Variants in WWC1 observed in about 807,000 individuals in gnomAD.
The protein encoded by WWC1 is protein KIBRA.
Under a neutral mutation model 138.4 loss-of-function variants are expected in WWC1, and 55 were observed. The observed-to-expected ratio is 0.40, with a 90% CI of 0.32 to 0.50. The LOEUF is 0.50. Among genes scored for constraint, WWC1 ranks in the 20% least tolerant of loss-of-function variants. The probability of loss-of-function intolerance (pLI) is 0.72; values close to 1 mark genes in which losing one functional copy is unlikely to be tolerated. For synonymous variants in WWC1, 524 were observed against 564.9 expected, an observed-to-expected ratio of 0.93 and a Z score of 1.03; for missense variants, 1,226 against 1,420.4, an observed-to-expected ratio of 0.86 and a Z score of 2.20.
intron 1 of WWC1, among the ~76,000 whole-genome samples, chr5:168,365,912 C>A (rs1157586636): frequency 6.6e-6 from 1 of 152,164 alleles, no homozygotes; most frequent in African/African-American, 2.4e-5. Flanking sequence ...TTTCGGCAGC[C>A]CGAGTTGTGG....
intron 1 of WWC1, among the ~76,000 whole-genome samples, chr5:168,357,835 T>C (rs1275436781): frequency 6.6e-6 from 1 of 152,210 alleles, no homozygotes. Flanking sequence ...GAAAAACCCA[T>C]AAAGCAAGTC....
At chr5:168,453,463 C>T (rs1407292373) in intron 17 of WWC1, among the ~76,000 whole-genome samples, 6 of 152,156 alleles carry the variant, frequency 3.9e-5, no homozygotes, top group Non-Finnish European at 8.8e-5. Flanking sequence ...GAATGTTCTA[C>T]ATCTCAAGTA....
intron 1 of WWC1, among the ~76,000 whole-genome samples, chr5:168,315,190 T>TC (rs1201382391): frequency 1.4e-5 from 2 of 141,196 alleles, no homozygotes; most frequent in Non-Finnish European, 3.1e-5. Flanking sequence ...TTTTTTTTTT[T>TC]CCATTCCTTC....
chr5:168,342,338 G>A (rs568206473), intron 1 of WWC1, among the ~76,000 whole-genome samples: 61 of 152,250 alleles, frequency 4.0e-4, no homozygotes, highest in Middle Eastern at 3.4e-3. Context: ...GAGCTATTGC[G>A]CAAAAATTAG....
At position 168,386,389 on chromosome 5, in the gene WWC1, T is replaced by TC. The variant is rs1384665008; in HGVS notation, c.433+975_433+976insC. Among the ~76,000 whole-genome samples the TC allele has an allele frequency of 4.2e-3, 626 of 149,740 alleles. 4 individuals carry two copies. The highest frequency in any genetic ancestry group is 0.014 in the African/African-American group (580 of 40,558). ...AAATCCCCTTGTTCTTTTTTTTTTT[T>TC]TCTTTTTCTTTTTTTTCTTTTGAGA... On this transcript the variant is annotated intron_variant, in intron 3 of 22. Coordinates refer to ENST00000265293, the MANE Select transcript of WWC1 (RefSeq NM_015238.3).
At chr5:168,380,027 C>G (rs1777495938) in intron 2 of WWC1, among the ~76,000 whole-genome samples, 1 of 152,180 alleles carries the variant, frequency 6.6e-6, no homozygotes, top group African/African-American at 2.4e-5. Flanking sequence ...AAATTAAAAT[C>G]TTTGTTCCTC....
At chr5:168,392,847 A>C (rs1778607399) in intron 3 of WWC1, among the ~76,000 whole-genome samples, 1 of 152,206 alleles carries the variant, frequency 6.6e-6, no homozygotes, top group African/African-American at 2.4e-5. Flanking sequence ...TAACAGAGAA[A>C]ATAGAGACTC....
rs539926539 is a variant in WWC1, at chr5:168,469,277, T to C, written c.*260T>C. ...AATAAGATTGTATAGTTTGTATATT[T>C]AGGAGTGTATTTTTGGGAAAGAAAA... On this transcript the variant is annotated 3_prime_UTR_variant, in exon 23 of 23. Coordinates refer to ENST00000265293, the MANE Select transcript of WWC1 (RefSeq NM_015238.3). 4 of 458,556 alleles carry C rather than the reference T, an allele frequency of 8.7e-6. No homozygotes were observed. In the South Asian group the frequency reaches 1.5e-4, roughly 17 times the overall value. The allele number at this position is 458,556 out of a possible 1,614,324, so 28.4% of individuals were successfully genotyped here.
intron 3 of WWC1, 35 bp from the exon 4 acceptor site, chr5:168,397,689 C>T: frequency 2.5e-6 from 4 of 1,611,522 alleles, no homozygotes; most frequent in Non-Finnish European, 3.4e-6. Flanking sequence ...TCTGTTTCTT[C>T]TACTGATATT....
At chr5:168,349,001 T>C (rs1404921986) in intron 1 of WWC1, among the ~76,000 whole-genome samples, 1 of 152,138 alleles carries the variant, frequency 6.6e-6, no homozygotes, top group Non-Finnish European at 1.5e-5. Context: ...GGGATGATTG[T>C]TATCCCCATT....
chr5:168,349,017 TAGG>T (rs1475106086), intron 1 of WWC1, among the ~76,000 whole-genome samples: 7 of 152,048 alleles, frequency 4.6e-5, no homozygotes, highest in Admixed American at 1.3e-4. Flanking sequence ...CCATTTTACA[TAGG>T]AGGAAACTGA....
At chr5:168,352,351 T>C (rs1357896352) in intron 1 of WWC1, among the ~76,000 whole-genome samples, 1 of 152,172 alleles carries the variant, frequency 6.6e-6, no homozygotes, top group Non-Finnish European at 1.5e-5. Flanking sequence ...CCAGTAATTA[T>C]TCAAATATCA....
intron 11 of WWC1, among the ~76,000 whole-genome samples, chr5:168,425,929 C>G (rs1166733708): frequency 6.6e-6 from 1 of 152,214 alleles, no homozygotes; most frequent in African/African-American, 2.4e-5. Flanking sequence ...AGAACGCACA[C>G]TGTTATCCAT....
At chr5:168,356,088 C>A (rs1160735442) in intron 1 of WWC1, among the ~76,000 whole-genome samples, 1 of 152,176 alleles carries the variant, frequency 6.6e-6, no homozygotes, top group Non-Finnish European at 1.5e-5. Flanking sequence ...GTTCTCCCAT[C>A]TAGGTAGGAC....
chr5:168,369,132 T>C (rs1247871809), intron 1 of WWC1, among the ~76,000 whole-genome samples: 2 of 152,190 alleles, frequency 1.3e-5, no homozygotes, highest in Admixed American at 1.3e-4. Flanking sequence ...TTGAGAATGT[T>C]ATTTAGTCTT....
rs980523991 is a variant in WWC1, at chr5:168,292,909, G to T, written c.119+638G>T. On this transcript the variant is annotated intron_variant, in intron 1 of 22. Transcript: ENST00000265293. The surrounding 1 kb of genome is among the most constrained non-coding windows in gnomAD (Gnocchi z 4.4). ...CGGGGGAGGGCAGATGAGGGAGACT[G>T]GTTATCCAGGAATCTGGCAGCAACT... is the stretch of plus-strand genomic sequence containing the variant. 4.6e-5 allele frequency among the ~76,000 whole-genome samples: 7 copies of T among 152,178 alleles called. No homozygotes were observed. Among genetic ancestry groups the T allele is most frequent in the Non-Finnish European group, 1.0e-4 (7 of 68,018 alleles).
At chr5:168,410,721 TA>T (rs1222689421) in intron 8 of WWC1, among the ~76,000 whole-genome samples, 1 of 152,092 alleles carries the variant, frequency 6.6e-6, no homozygotes, top group African/African-American at 2.4e-5. Flanking sequence ...TTTATTGTAC[TA>T]AAACATTTGT....
chr5:168,433,247 A>G (rs1782089677), intron 15 of WWC1, among the ~76,000 whole-genome samples: 2 of 152,242 alleles, frequency 1.3e-5, no homozygotes, highest in Admixed American at 1.3e-4. Flanking sequence ...GCTCTGGCTA[A>G]ATGCAGATTC....
chr5:168,472,129 T>C lies in WWC1; in HGVS notation c.*3112T>C, dbSNP rs975156625. On this transcript the variant is annotated 3_prime_UTR_variant, in exon 23 of 23. Coordinates refer to ENST00000265293, the MANE Select transcript of WWC1 (RefSeq NM_015238.3). ...CTGAAGAAGTGCATCTCAGCATCACTTCAGCTGTCGGGGCATTTGTGGGGA... is the reference window on the plus strand; with the variant it reads ...CTGAAGAAGTGCATCTCAGCATCACCTCAGCTGTCGGGGCATTTGTGGGGA... 7 of 152,268 alleles carry C rather than the reference T, an allele frequency of 4.6e-5. No homozygotes were observed. Among genetic ancestry groups the C allele is most frequent in the Admixed American group, 4.6e-4 (7 of 15,280 alleles). 9.4% of individuals were successfully genotyped at this position (152,268 alleles called of 1,614,324 possible).
Sources: gnomAD v4.1 joint callset for allele counts (sites outside exome capture counted in the v4.1 genomes callset) on GRCh38, gnomAD v4.1.1 for gene constraint, Gnocchi (gnomAD v3.1) non-coding constraint, MANE v1.5 for transcripts, NCBI Gene and HGNC (gene_info 2026-07-23, HGNC 2026-07-21) for gene names.